FLT3: variants seen among roughly 807,000 people sequenced by gnomAD.
FLT3 encodes fms related receptor tyrosine kinase 3.
FLT3 carries 46 observed loss-of-function variants against 126.6 expected under a neutral mutation model. That is an observed-to-expected ratio of 0.36 (90% CI 0.29 to 0.46). The LOEUF (loss-of-function observed/expected upper bound fraction) is 0.46. FLT3 is among the 20% of genes least tolerant of loss of function. The pLI, the probability that FLT3 is intolerant of heterozygous loss-of-function variation, is 1.00. For missense variants in FLT3, 1,069 were observed against 1,190.3 expected (o/e 0.90, Z 1.50); for synonymous variants, 404 against 434.4 (o/e 0.93, Z 0.87).
chr13:28,069,449 G>T (rs1010211649), intron 2 of FLT3, among the ~76,000 whole-genome samples: 10 of 152,258 alleles, frequency 6.6e-5, no homozygotes, highest in African/African-American at 2.4e-4. Context: ...TGGGGAAATA[G>T]AAATGAAATA....
At chr13:28,079,524 CT>C (rs1162985985) in intron 1 of FLT3, among the ~76,000 whole-genome samples, 1 of 152,116 alleles carries the variant, frequency 6.6e-6, no homozygotes, top group African/African-American at 2.4e-5. Context: ...CTGTATTAGT[CT>C]GTTTTCATGC....
chr13:28,057,052 C>G (rs1221384793), intron 4 of FLT3, among the ~76,000 whole-genome samples: 1 of 152,170 alleles, frequency 6.6e-6, no homozygotes, highest in Admixed American at 6.6e-5. Flanking sequence ...ATTCCAAGGT[C>G]AAAATGTTTT....
At chr13:28,073,627 C>A (rs1877719646) in intron 1 of FLT3, among the ~76,000 whole-genome samples, 1 of 151,956 alleles carries the variant, frequency 6.6e-6, no homozygotes, top group Non-Finnish European at 1.5e-5. Flanking sequence ...GCAAATCCAT[C>A]ACCACAATCA....
chr13:28,053,954 T>A (rs963971094), intron 4 of FLT3, among the ~76,000 whole-genome samples: 5 of 152,132 alleles, frequency 3.3e-5, no homozygotes, highest in African/African-American at 1.2e-4. Context: ...GCTCAAGTGA[T>A]CTTCCTGCCT....
intron 2 of FLT3, among the ~76,000 whole-genome samples, chr13:28,065,561 G>A (rs1219111826): frequency 6.6e-6 from 1 of 151,980 alleles, no homozygotes; most frequent in East Asian, 1.9e-4. Flanking sequence ...AGGATTGCTT[G>A]AGCCTAGGAG....
intron 1 of FLT3, among the ~76,000 whole-genome samples, chr13:28,078,951 A>C (rs1173599946): frequency 1.3e-5 from 2 of 152,134 alleles, no homozygotes; most frequent in African/African-American, 4.8e-5. Context: ...CGACCTCGTG[A>C]TCCCCCCGCC....
intron 1 of FLT3, among the ~76,000 whole-genome samples, chr13:28,095,672 A>G (rs753242511): frequency 6.6e-6 from 1 of 152,178 alleles, no homozygotes; most frequent in Non-Finnish European, 1.5e-5. Context: ...CTTTTTGTCA[A>G]ATCAAAATCT....
chr13:28,078,961 C>T (rs1878144577), intron 1 of FLT3, among the ~76,000 whole-genome samples: 1 of 152,210 alleles, frequency 6.6e-6, no homozygotes, highest in Admixed American at 6.5e-5. Context: ...ATCCCCCCGC[C>T]TTGGCCTCCC....
intron 4 of FLT3, among the ~76,000 whole-genome samples, chr13:28,054,950 TCTTATTGA>T (rs546418886): frequency 3.2e-4 from 48 of 152,372 alleles, no homozygotes; most frequent in African/African-American, 8.4e-4. Context: ...TGTTCGTTTT[TCTTATTGA>T]CTTATTGACT....
chr13:28,088,584 C>CTTT (rs34680883), intron 1 of FLT3, among the ~76,000 whole-genome samples: 72 of 103,310 alleles, frequency 7.0e-4, no homozygotes, highest in Non-Finnish European at 9.1e-4. Flanking sequence ...CATCCAAAAC[C>CTTT]TTTTTTTTTT....
chr13:28,037,351 GAC>G (rs1293116757), intron 9 of FLT3, 63 bp from the exon 10 acceptor site: 9 of 955,212 alleles, frequency 9.4e-6, no homozygotes, highest in Admixed American at 6.9e-5. Flanking sequence ...TGCAACTAAT[GAC>G]AGTGTGCATG....
intron 2 of FLT3, among the ~76,000 whole-genome samples, chr13:28,062,747 A>AAAAAG (rs1224425109): frequency 6.7e-5 from 10 of 150,262 alleles, no homozygotes; most frequent in Non-Finnish European, 1.5e-4. Context: ...CTGTCTCAAA[A>AAAAAG]AAAAAAAAAA....
intron 1 of FLT3, among the ~76,000 whole-genome samples, chr13:28,091,200 C>T (rs1879009797): frequency 1.8e-5 from 2 of 113,108 alleles, no homozygotes; most frequent in Admixed American, 1.8e-4. Context: ...TCTTTGGGCC[C>T]CATTTTCTTT....
At chr13:28,093,820 C>T (rs1879281957) in intron 1 of FLT3, among the ~76,000 whole-genome samples, 1 of 152,020 alleles carries the variant, frequency 6.6e-6, no homozygotes, top group South Asian at 2.1e-4. Flanking sequence ...ACACCCCTAA[C>T]ATTATACTTT....
intron 1 of FLT3, among the ~76,000 whole-genome samples, chr13:28,077,063 GAAGAAAGAAAAGA>G (rs1877986276): frequency 1.4e-5 from 2 of 143,322 alleles, no homozygotes; most frequent in East Asian, 2.0e-4. Context: ...GGAAGGGAAA[GAAGAAAGAAAAGA>G]AAGAAAGAAA....
At chr13:28,083,969 C>G (rs1878491350) in intron 1 of FLT3, among the ~76,000 whole-genome samples, 1 of 151,468 alleles carries the variant, frequency 6.6e-6, no homozygotes, top group South Asian at 2.1e-4. Context: ...TTTTCTTTTT[C>G]TTTGATTTTT....
At chr13:28,054,445 G>A (rs1288432143) in intron 4 of FLT3, among the ~76,000 whole-genome samples, 1 of 151,866 alleles carries the variant, frequency 6.6e-6, no homozygotes, top group Non-Finnish European at 1.5e-5. Context: ...ATAAAGGCCG[G>A]GCAAGGTGGC....
intron 2 of FLT3, among the ~76,000 whole-genome samples, chr13:28,069,635 C>G (rs553057484): frequency 6.6e-6 from 1 of 152,218 alleles, no homozygotes; most frequent in East Asian, 1.9e-4. Flanking sequence ...ATACAACCAA[C>G]CACAGATTGA....
intron 21 of FLT3, 75 bp from the exon 22 acceptor site, chr13:28,015,331 G>C: frequency 9.8e-7 from 1 of 1,016,842 alleles, no homozygotes; most frequent in Non-Finnish European, 1.5e-6. Flanking sequence ...AATTAAACAC[G>C]TATTGAGATC....
Sources: gnomAD v4.1 joint callset for allele counts (sites outside exome capture counted in the v4.1 genomes callset) on GRCh38, gnomAD v4.1.1 for gene constraint, MANE v1.5 for transcripts, NCBI Gene and HGNC (gene_info 2026-07-23, HGNC 2026-07-21) for gene names.